The following ZBTB48 variants were observed in gnomAD, a reference collection of about 807,000 sequenced individuals.
ZBTB48 encodes the protein zinc finger and BTB domain containing 48.
In ZBTB48, 35 loss-of-function variants were observed where a neutral mutation model predicts 64.5. That is an observed-to-expected ratio of 0.54 (90% CI 0.41 to 0.72). ZBTB48 has a LOEUF of 0.72. Ranked by LOEUF, ZBTB48 falls within the 30% of genes least tolerant of loss-of-function variation. ZBTB48 has a pLI of 0.00. For synonymous variants in ZBTB48, 442 were observed against 356.7 expected (o/e 1.24, Z -2.70); for missense variants, 828 against 895.3 (o/e 0.92, Z 0.96).
rs764393999 is a variant in ZBTB48, at chr1:6,588,271, C to T, written c.1517-7C>T. 1.2e-6 allele frequency: 2 copies of T among 1,607,598 alleles called. No homozygotes were observed. The highest frequency in any genetic ancestry group is 1.3e-5 in the African/African-American group (1 of 74,844). ...CCACAGGCTGAGCTCTTGCCTTGTG[C>T]CTGCAGCCAGCCTGGACAAGCACAA... On this transcript the variant is annotated splice_region_variant and splice_polypyrimidine_tract_variant and intron_variant, in intron 8 of 10. Coordinates refer to ENST00000377674, the MANE Select transcript of ZBTB48 (RefSeq NM_005341.4).
rs1640432481 is a variant in ZBTB48, at chr1:6,581,087, G to T, written c.478G>T (p.Val160Phe). 1 of 1,613,098 alleles carries T rather than the reference G, an allele frequency of 6.2e-7. No individual in the cohort carries two copies. The highest frequency in any genetic ancestry group is 1.1e-5 in the South Asian group (1 of 91,074). The change falls in exon 2 of 11, where the codon GTC becomes TTC. Residue 160 changes from valine to phenylalanine, a missense_variant. Physicochemically the swap from Val to Phe is conservative, Grantham distance 50 (BLOSUM62 -1). Coordinates refer to ENST00000377674, the MANE Select transcript of ZBTB48 (RefSeq NM_005341.4). ...EEEVSRTLGL[V>F]PRDQEPRGSH... The stretch of plus-strand genomic sequence containing the variant: ...GGAAGTTTCGAGGACTCTGGGTCTA[G>T]TCCCCAGGGATCAGGAGCCCAGAGG...
chr1:6,586,125 G>A, intron 4 of ZBTB48, 95 bp downstream of exon 4: 1 of 1,265,032 alleles, frequency 7.9e-7, no homozygotes, highest in Non-Finnish European at 1.1e-6. Context: ...CTGTCTGAGA[G>A]GGGTACTGTA....
intron 3 of ZBTB48, among the ~76,000 whole-genome samples, chr1:6,583,627 G>A (rs989812691): frequency 7.0e-6 from 1 of 141,848 alleles, no homozygotes; most frequent in Non-Finnish European, 1.5e-5. Context: ...TTTTGAGACA[G>A]TCTCACTGTG....
Position 6,589,005 on chromosome 1 carries a change from C to T in ZBTB48, c.1860C>T (p.Asp620=), listed in dbSNP as rs753577837. 3.9e-5 allele frequency: 62 copies of T among 1,596,120 alleles called. No individual in the cohort carries two copies. Among genetic ancestry groups the T allele is most frequent in the Non-Finnish European group, 4.7e-5 (55 of 1,169,722 alleles). Residue 620 remains aspartate (D), a synonymous_variant, in exon 11 of 11, where the codon GAC becomes GAT. Transcript: ENST00000377674. ...QRKLRNLIIE[D]EKMVVVALQP... ...AGCTCCGCAACCTGATCATCGAGGA[C>T]GAGAAGATGGTGGTGGTGGCGCTGC...
intron 3 of ZBTB48, 74 bp downstream of exon 3, chr1:6,582,373 A>C (rs1640504207): frequency 6.4e-7 from 1 of 1,551,908 alleles, no homozygotes; most frequent in South Asian, 1.2e-5. Flanking sequence ...TGCACTTCCC[A>C]CTTCTGGGTG....
chr1:6,584,569 G>A lies in ZBTB48; in HGVS notation c.933-1350G>A, dbSNP rs768152577. The stretch of plus-strand genomic sequence containing the variant: ...AACCCGTTCGCTGTCCCTGTGCACC[G>A]TGTTCAGGGCAGCTGCTGCCAGTGG... On this transcript the variant is annotated intron_variant, in intron 3 of 10. Transcript: ENST00000377674. This position sits in a 1 kb window ranked among gnomAD's most constrained non-coding sequence, Gnocchi z 4.5. Among the ~76,000 whole-genome samples, 4 of 152,246 alleles carry A rather than the reference G, an allele frequency of 2.6e-5. No individual in the cohort carries two copies. Among genetic ancestry groups the A allele is most frequent in the Admixed American group, 6.5e-5 (1 of 15,284 alleles).
intron 3 of ZBTB48, 54 bp downstream of exon 3, chr1:6,582,353 G>T: frequency 6.3e-7 from 1 of 1,584,142 alleles, no homozygotes; most frequent in Non-Finnish European, 8.6e-7. Flanking sequence ...CCACGTTGGG[G>T]GAGGGGTCCT....
rs548349878 is a variant in ZBTB48, at chr1:6,584,089, T to C, written c.932+1790T>C. ...GAGCCACCGTGCCCAGCCATTTTTT[T>C]ACTTTTTAGTAGTGATGGGTTTCAC... On this transcript the variant is annotated intron_variant, in intron 3 of 10. Transcript: ENST00000377674. This position sits in a 1 kb window ranked among gnomAD's most constrained non-coding sequence, Gnocchi z 4.5. Among the ~76,000 whole-genome samples the C allele has an allele frequency of 1.9e-4, 28 of 150,614 alleles. 1 individual carries two copies. The East Asian group carries it at 5.1e-3, about 27-fold the overall frequency.
intron 4 of ZBTB48, chr1:6,586,393 G>A (rs986982061): frequency 3.1e-5 from 16 of 519,504 alleles, no homozygotes; most frequent in Non-Finnish European, 4.0e-5. Context: ...AGGGCCCGCC[G>A]AAACCCAGGC....
rs1245927180 is a variant in ZBTB48, at chr1:6,587,387, T to TC, written c.1225-90dup. Reference sequence around the variant, plus strand: ...CAGCCGGCCATGTACTTTCTGTTGTTCGGGGGGGTGCTTGTGGGTCTCCCA... The same window carrying TC: ...CAGCCGGCCATGTACTTTCTGTTGTTCCGGGGGGGTGCTTGTGGGTCTCCCA... On this transcript the variant is annotated intron_variant, in intron 6 of 10. Coordinates refer to ENST00000377674, the MANE Select transcript of ZBTB48 (RefSeq NM_005341.4). 4 of 1,608,350 alleles carry TC rather than the reference T, an allele frequency of 2.5e-6. No individual in the cohort carries two copies. The Admixed American group carries it at 5.0e-5, about 20-fold the overall frequency.
In ZBTB48 at chr1:6,582,100, T is replaced by TA; in HGVS notation, c.734dup (p.Tyr245Ter). Reference sequence around the variant, plus strand: ...AGTGGAGGATGATGGGGATGGCGATTACATGTCTGAGCCTGAGGCTGTGCT... The same window carrying TA: ...AGTGGAGGATGATGGGGATGGCGATTAACATGTCTGAGCCTGAGGCTGTGCT... ...VQVEDDGDGDYMSEPEAVLTR... is the reference protein window; with the variant it reads ...VQVEDDGDGD The change falls in exon 3 of 11, where the codon TAC becomes TAAC. Residue 245 changes from tyrosine (Y) to a stop codon, truncating the protein, a stop_gained and frameshift_variant. Transcript: ENST00000377674. LOFTEE classifies it high-confidence loss of function. 11 of 1,614,154 alleles carry TA rather than the reference T, an allele frequency of 6.8e-6. No homozygotes were observed. Among genetic ancestry groups the TA allele is most frequent in the Non-Finnish European group, 9.3e-6 (11 of 1,180,028 alleles).
At chr1:6,582,755 T>C (rs1375379404) in intron 3 of ZBTB48, among the ~76,000 whole-genome samples, 1 of 152,230 alleles carries the variant, frequency 6.6e-6, no homozygotes, top group Non-Finnish European at 1.5e-5. Context: ...CTCTGGGGTG[T>C]CAGTGGGGCA....
In ZBTB48 at chr1:6,586,478, A is replaced by C. The variant is rs2148692678; in HGVS notation, c.1045-217A>C. The C allele has an allele frequency of 4.1e-6, 4 of 984,422 alleles. No individual in the cohort carries two copies. In the East Asian group the frequency reaches 1.2e-4, roughly 28 times the overall value. 61.0% of individuals were successfully genotyped at this position (984,422 alleles called of 1,614,324 possible). A position where few individuals can be genotyped will look rare whatever the true frequency, so the allele number is the denominator to read the frequency against. On this transcript the variant is annotated intron_variant, in intron 4 of 10. Transcript: ENST00000377674. ...GTGAGGCCACTCGGACCCTGCCCCC[A>C]GTCTGTCTGGGCCTGAGAAGGGCCT... is the stretch of plus-strand genomic sequence containing the variant.
chr1:6,584,836 G>A lies in ZBTB48; in HGVS notation c.933-1083G>A, dbSNP rs1412247900. On this transcript the variant is annotated intron_variant, in intron 3 of 10. Coordinates refer to ENST00000377674, the MANE Select transcript of ZBTB48 (RefSeq NM_005341.4). This position sits in a 1 kb window ranked among gnomAD's most constrained non-coding sequence, Gnocchi z 4.5. Reference sequence around the variant, plus strand: ...GAGAGCTGCTTGGCCTCTGGAAGGTGGGAGGAGCTGTCGCAGGCTGCACAG... The same window carrying A: ...GAGAGCTGCTTGGCCTCTGGAAGGTAGGAGGAGCTGTCGCAGGCTGCACAG... Among the ~76,000 whole-genome samples, 1 of 152,198 alleles carries A rather than the reference G, an allele frequency of 6.6e-6. No homozygotes were observed. The highest frequency in any genetic ancestry group is 2.4e-5 in the African/African-American group (1 of 41,460).
rs1374296054 is a variant in ZBTB48, at chr1:6,584,954, A to G, written c.933-965A>G. On this transcript the variant is annotated intron_variant, in intron 3 of 10. Coordinates refer to ENST00000377674, the MANE Select transcript of ZBTB48 (RefSeq NM_005341.4). This position sits in a 1 kb window ranked among gnomAD's most constrained non-coding sequence, Gnocchi z 4.5. ...TGGGTGCTTGGGATGCATTTAAGGG[A>G]ACTAAACAAAGGTGCTTGTGCAGCC... 3.3e-5 allele frequency among the ~76,000 whole-genome samples: 5 copies of G among 151,926 alleles called. No individual in the cohort carries two copies. The East Asian group carries it at 9.7e-4, about 29-fold the overall frequency.
intron 4 of ZBTB48, chr1:6,586,475 C>A: frequency 1.0e-6 from 1 of 966,350 alleles, no homozygotes; most frequent in East Asian, 2.9e-5. Context: ...GGACCCTGCC[C>A]CCAGTCTGTC....
rs556155146 is a variant in ZBTB48, at chr1:6,583,212, A to G, written c.932+913A>G. On this transcript the variant is annotated intron_variant, in intron 3 of 10. Coordinates refer to ENST00000377674, the MANE Select transcript of ZBTB48 (RefSeq NM_005341.4). The stretch of plus-strand genomic sequence containing the variant: ...CACCATGATGGCCATGATGGTCTCA[A>G]TCTCCTGACCTTGTGATCCACCCGC... Among the ~76,000 whole-genome samples, 81 of 144,116 alleles carry G rather than the reference A, an allele frequency of 5.6e-4. 1 individual carries two copies. Among genetic ancestry groups the G allele is most frequent in the Admixed American group, 1.6e-3 (23 of 14,426 alleles). The allele number at this position is 144,116 out of a possible 152,430, so 94.5% of individuals were successfully genotyped here. A position where few individuals can be genotyped will look rare whatever the true frequency, so the allele number is the denominator to read the frequency against.
At chr1:6,587,454 T>C (rs1289449555) in intron 6 of ZBTB48, 24 bp from the exon 7 acceptor site, 1 of 1,613,370 alleles carries the variant, frequency 6.2e-7, no homozygotes. Flanking sequence ...GGTCCCTCCC[T>C]CTGCCTGCCT....
rs1376686334 is a variant in ZBTB48, at chr1:6,585,882, C to T, written c.933-37C>T. 6.2e-6 allele frequency: 10 copies of T among 1,603,202 alleles called. No homozygotes were observed. In the East Asian group the frequency reaches 1.3e-4, roughly 21 times the overall value. On this transcript the variant is annotated intron_variant, in intron 3 of 10. Transcript: ENST00000377674. ...CTGGGTGAGGGAGAGATGGGAAACC[C>T]TCTCAGCCCCCCCACCCCTGTGGCT...
Sources: allele counts gnomAD v4.1 joint callset (sites outside exome capture counted in the v4.1 genomes callset), GRCh38; gene constraint gnomAD v4.1.1; non-coding constraint Gnocchi (gnomAD v3.1); transcripts MANE v1.5; gene names NCBI Gene and HGNC (gene_info 2026-07-23, HGNC 2026-07-21).